Variants in ELF3 observed in about 807,000 individuals in gnomAD.
The protein encoded by ELF3 is ETS-related transcription factor Elf-3.
Under a neutral mutation model 43.9 loss-of-function variants are expected in ELF3, and 18 were observed. The ratio of observed to expected loss-of-function variants is 0.41; its 90% CI spans 0.28 to 0.61. The LOEUF is 0.61. Ranked by LOEUF, ELF3 falls within the 20% of genes least tolerant of loss-of-function variation. The probability of loss-of-function intolerance (pLI) is 0.30; values close to 1 mark genes in which losing one functional copy is unlikely to be tolerated. For missense variants in ELF3, 373 were observed against 487.7 expected, an observed-to-expected ratio of 0.76 and a Z score of 2.21; for synonymous variants, 181 against 190.2, an observed-to-expected ratio of 0.95 and a Z score of 0.40.
At chr1:202,015,010 A>C in intron 8 of ELF3, 199 bp from the exon 9 acceptor site, 2 of 558,012 alleles carry the variant, frequency 3.6e-6, no homozygotes, top group Non-Finnish European at 6.5e-6. Context: ...GCACGGTTAC[A>C]GGCCAGTGTA....
rs1320503130 is a variant in ELF3 at position 202,016,484 on chromosome 1, T to C, written c.*1161T>C. ...TATCTGTAATATGAATCCCAGCTTT[T>C]GAGTCTGACAAAATCAGAGTTAGGA... On this transcript the variant is annotated 3_prime_UTR_variant, in exon 9 of 9. Coordinates refer to ENST00000367284, the MANE Select transcript of ELF3 (RefSeq NM_004433.5). 1.3e-5 allele frequency: 2 copies of C among 150,434 alleles called. No homozygotes were observed. Among genetic ancestry groups the C allele is most frequent in the East Asian group, 3.9e-4 (2 of 5,124 alleles). The allele number at this position is 150,434 out of a possible 1,614,324, so 9.3% of individuals were successfully genotyped here. A position where few individuals can be genotyped will look rare whatever the true frequency, so the allele number is the denominator to read the frequency against.
chr1:202,015,304 T>C lies in ELF3; in HGVS notation c.1097T>C (p.Val366Ala). ...TCAAGCGGCTGGAAGGAGGAAGAGG[T>C]TCTCCAGAGTCGGAACTGAGGGTTG... is the stretch of plus-strand genomic sequence containing the variant. The part of the protein sequence containing the change: ...KNSSGWKEEE[V>A]LQSRN The change falls in exon 9 of 9, where the codon GTT becomes GCT. Residue 366 changes from valine to alanine, a missense_variant. Val to Ala is a moderately conservative substitution (Grantham distance 64). Transcript: ENST00000367284. The C allele has an allele frequency of 6.2e-7, 1 of 1,613,940 alleles. No individual in the cohort carries two copies. The highest frequency in any genetic ancestry group is 8.5e-7 in the Non-Finnish European group (1 of 1,179,962).
chr1:202,015,128 A>T, intron 8 of ELF3, 81 bp from the exon 9 acceptor site: 1 of 1,425,136 alleles, frequency 7.0e-7, no homozygotes, highest in Non-Finnish European at 9.9e-7. Flanking sequence ...ACCTGGGGGT[A>T]ACGCGGGCCA....
chr1:202,012,377 T>C lies in ELF3; in HGVS notation c.419T>C (p.Ile140Thr). The change falls in exon 4 of 9, where the codon ATT becomes ACT. Residue 140 changes from isoleucine (I) to threonine (T), a missense_variant. Physicochemically the swap from Ile to Thr is moderately conservative, Grantham distance 89. Transcript: ENST00000367284. This position sits in a 1 kb window ranked among gnomAD's most constrained non-coding sequence, Gnocchi z 4.2. ...SSSSDELSWI[I>T]ELLEKDGMAF... ...TCTTCTGATGAGCTCAGTTGGATCA[T>C]TGAGCTGCTGGAGAAGGATGGCATG... 3.1e-6 allele frequency: 5 copies of C among 1,614,148 alleles called. No individual in the cohort carries two copies. Among genetic ancestry groups the C allele is most frequent in the Non-Finnish European group, 4.2e-6 (5 of 1,180,006 alleles).
intron 1 of ELF3, 90 bp from the exon 2 acceptor site, chr1:202,011,039 C>G: frequency 1.2e-5 from 18 of 1,481,606 alleles, no homozygotes; most frequent in Non-Finnish European, 1.7e-5. Context: ...GCTACTCTTG[C>G]CCAGGGTTGG....
In ELF3 at chr1:202,013,890, C is replaced by T. The variant is rs754686422; in HGVS notation, c.867C>T (p.Asn289=). 2.8e-5 allele frequency: 45 copies of T among 1,613,970 alleles called. No homozygotes were observed. The highest frequency in any genetic ancestry group is 6.7e-5 in the African/African-American group (5 of 74,916). Residue 289 remains asparagine (N), a synonymous_variant, in exon 8 of 9, where the codon AAC becomes AAT. Transcript: ENST00000367284. The surrounding 1 kb of genome is among the most constrained non-coding windows in gnomAD (Gnocchi z 5.7). ...ACATCCTCATCCACCCGGAGCTCAA[C>T]GAGGGCCTCATGAAGTGGGAGAATC... ...IRDILIHPEL[N]EGLMKWENRH...
Position 202,011,123 on chromosome 1 carries a change from C to G in ELF3, c.-8-6C>G, listed in dbSNP as rs878874753. The stretch of plus-strand genomic sequence containing the variant: ...CCAACCTCATCCTCTCTCCCCCTAC[C>G]CACAGGTAGCCTCATGGCTGCAACC... On this transcript the variant is annotated splice_region_variant and splice_polypyrimidine_tract_variant and intron_variant, in intron 1 of 8. Transcript: ENST00000367284. The G allele has an allele frequency of 1.2e-6, 2 of 1,613,866 alleles. No individual in the cohort carries two copies. Among genetic ancestry groups the G allele is most frequent in the South Asian group, 2.2e-5 (2 of 91,070 alleles).
chr1:202,015,638 T>A lies in ELF3; in HGVS notation c.*315T>A. On this transcript the variant is annotated 3_prime_UTR_variant, in exon 9 of 9. Transcript: ENST00000367284. ...CTAAATGCAGACAACACCTTCCTCC[T>A]GCAGACACCTGGACTGAGCCAAGGA... is the stretch of plus-strand genomic sequence containing the variant. 2.9e-6 allele frequency: 1 copy of A among 347,414 alleles called. No homozygotes were observed. Among genetic ancestry groups the A allele is most frequent in the Non-Finnish European group, 5.6e-6 (1 of 180,006 alleles). The allele number at this position is 347,414 out of a possible 1,614,324, so 21.5% of individuals were successfully genotyped here.
Position 202,013,750 on chromosome 1 carries a change from CA to C in ELF3, c.806-78del. 3 of 1,486,070 alleles carry C rather than the reference CA, an allele frequency of 2.0e-6. No individual in the cohort carries two copies. Among genetic ancestry groups the C allele is most frequent in the Non-Finnish European group, 1.8e-6 (2 of 1,102,008 alleles). 92.1% of individuals were successfully genotyped at this position (1,486,070 alleles called of 1,614,324 possible). A position where few individuals can be genotyped will look rare whatever the true frequency, so the allele number is the denominator to read the frequency against. On this transcript the variant is annotated intron_variant, in intron 7 of 8. Transcript: ENST00000367284. This position sits in a 1 kb window ranked among gnomAD's most constrained non-coding sequence, Gnocchi z 5.7. ...GCATGCTGTGGCCAAGTCAGCAGTG[CA>C]CTGGGGCGGGCAGGGCTGGCTGGCC...
In ELF3 at chr1:202,011,294, G is replaced by T. The variant is rs1284898567; in HGVS notation, c.158G>T (p.Gly53Val). 6.3e-7 allele frequency: 1 copy of T among 1,578,414 alleles called. No homozygotes were observed. Among genetic ancestry groups the T allele is most frequent in the Non-Finnish European group, 8.6e-7 (1 of 1,160,250 alleles). ...AGCAACCCCCAGATGTCATTGGAGG[G>T]TACAGGTGGGTCTCAGCGGGGTGGG... ...TLSNPQMSLE[G>V]TEKASWLGEQ... Residue 53 changes from glycine (G) to valine (V), a missense_variant, in exon 2 of 9, where the codon GGT (glycine) becomes GTT (valine). This residue lies in a region of ELF3 where 311 missense variants were observed against 351.2 expected (regional missense o/e 0.89). Coordinates refer to ENST00000367284, the MANE Select transcript of ELF3 (RefSeq NM_004433.5).
rs940769864 is a variant in ELF3 at position 202,013,093 on chromosome 1, G to A, written c.688+57G>A. The A allele has an allele frequency of 1.6e-5, 25 of 1,600,184 alleles. No individual in the cohort carries two copies. The highest frequency in any genetic ancestry group is 1.2e-4 in the Admixed American group (7 of 58,852). On this transcript the variant is annotated intron_variant, in intron 6 of 8. Coordinates refer to ENST00000367284, the MANE Select transcript of ELF3 (RefSeq NM_004433.5). This position sits in a 1 kb window ranked among gnomAD's most constrained non-coding sequence, Gnocchi z 5.7. ...CCATTTAGCAATGCACAGGGGGCCC[G>A]GCTCTTCCTGCAGCCTTTTCCTGTA...
rs1130193 is a variant in ELF3 at position 202,016,603 on chromosome 1, G to A, written c.*1280G>A. ...GAAGGAGTTGGCATTTGTTGAAAGT[G>A]TAGTCTTTTTCTCTTTTTTTTTTAA... is the stretch of plus-strand genomic sequence containing the variant. On this transcript the variant is annotated 3_prime_UTR_variant, in exon 9 of 9. Transcript: ENST00000367284. 0.67 allele frequency: 100,336 copies of A among 149,850 alleles called. 33,937 individuals are homozygous for A. The highest frequency in any genetic ancestry group is 0.72 in the African/African-American group (29,167 of 40,740). The allele number at this position is 149,850 out of a possible 1,614,324, so 9.3% of individuals were successfully genotyped here.
rs547026083 is a variant in ELF3 at position 202,013,758 on chromosome 1, C to A, written c.806-71C>A. The A allele has an allele frequency of 2.0e-6, 3 of 1,507,510 alleles. No homozygotes were observed. Among genetic ancestry groups the A allele is most frequent in the Non-Finnish European group, 1.8e-6 (2 of 1,118,098 alleles). The allele number at this position is 1,507,510 out of a possible 1,614,324, so 93.4% of individuals were successfully genotyped here. A position where few individuals can be genotyped will look rare whatever the true frequency, so the allele number is the denominator to read the frequency against. On this transcript the variant is annotated intron_variant, in intron 7 of 8. Coordinates refer to ENST00000367284, the MANE Select transcript of ELF3 (RefSeq NM_004433.5). This position sits in a 1 kb window ranked among gnomAD's most constrained non-coding sequence, Gnocchi z 5.7. ...TGGCCAAGTCAGCAGTGCACTGGGG[C>A]GGGCAGGGCTGGCTGGCCTTGGGTG... is the stretch of plus-strand genomic sequence containing the variant.
intron 2 of ELF3, 33 bp from the exon 3 acceptor site, chr1:202,011,924 A>G (rs756530458): frequency 6.3e-7 from 1 of 1,598,038 alleles, no homozygotes; most frequent in Non-Finnish European, 8.6e-7. Flanking sequence ...GGGTGGCCTG[A>G]GCTGAGCCTG....
At position 202,016,806 on chromosome 1, in the gene ELF3, C is replaced by G. The variant is rs1429748901; in HGVS notation, c.*1483C>G. 1 of 152,114 alleles carries G rather than the reference C, an allele frequency of 6.6e-6. No homozygotes were observed. The highest frequency in any genetic ancestry group is 2.4e-5 in the African/African-American group (1 of 41,410). 9.4% of individuals were successfully genotyped at this position (152,114 alleles called of 1,614,324 possible). On this transcript the variant is annotated 3_prime_UTR_variant, in exon 9 of 9. Transcript: ENST00000367284. ...AGCCCACTCTGGCTCATTTAATCCT[C>G]TCCTAAGAAGAGAGGAGACACAGCG...
At chr1:202,011,628 T>C in intron 2 of ELF3, 1 of 454,468 alleles carries the variant, frequency 2.2e-6, no homozygotes, top group Non-Finnish European at 3.9e-6. Context: ...TCCCAGCACT[T>C]TGGGAGGCTG....
Position 202,012,704 on chromosome 1 carries a change from C to T in ELF3, c.543C>T (p.Pro181=), listed in dbSNP as rs755611463. ...DDGQQASPYH[P]GSCGAGAPSP... is the part of the protein sequence containing the mutation. ...GTCAGCAAGCCAGCCCCTACCACCC[C>T]GGCAGCTGTGGCGCAGGAGCCCCCT... Residue 181 remains proline, a synonymous_variant, in exon 5 of 9, where the codon CCC becomes CCT. Transcript: ENST00000367284. This position sits in a 1 kb window ranked among gnomAD's most constrained non-coding sequence, Gnocchi z 4.2. 10 of 1,608,054 alleles carry T rather than the reference C, an allele frequency of 6.2e-6. No individual in the cohort carries two copies. Among genetic ancestry groups the T allele is most frequent in the South Asian group, 3.3e-5 (3 of 90,530 alleles).
Position 202,014,850 on chromosome 1 carries a change from C to A in ELF3, c.1002-359C>A, listed in dbSNP as rs540397439. On this transcript the variant is annotated intron_variant, in intron 8 of 8. Coordinates refer to ENST00000367284, the MANE Select transcript of ELF3 (RefSeq NM_004433.5). Reference sequence around the variant, plus strand: ...CTCGAACTCCTGACCTCAAGTGATCCGCCCGCCTCAGCCTCCCAAAGTGCT... The same window carrying A: ...CTCGAACTCCTGACCTCAAGTGATCAGCCCGCCTCAGCCTCCCAAAGTGCT... 2.6e-4 allele frequency: 55 copies of A among 212,940 alleles called. No individual in the cohort carries two copies. In the East Asian group the frequency reaches 4.6e-3, roughly 18 times the overall value. The allele number at this position is 212,940 out of a possible 1,614,324, so 13.2% of individuals were successfully genotyped here.
Position 202,011,559 on chromosome 1 carries a change from C to G in ELF3, c.163+260C>G, listed in dbSNP as rs144349627. On this transcript the variant is annotated intron_variant, in intron 2 of 8. Coordinates refer to ENST00000367284, the MANE Select transcript of ELF3 (RefSeq NM_004433.5). ...TGGCTCCAAGGGCTGAGGTGTGAAT[C>G]CCCAGTGTGCTCCAGGAATGGGGCT... 9.5e-4 allele frequency: 474 copies of G among 499,620 alleles called. 2 individuals are homozygous for G. Among genetic ancestry groups the G allele is most frequent in the African/African-American group, 8.5e-3 (439 of 51,346 alleles). 30.9% of individuals were successfully genotyped at this position (499,620 alleles called of 1,614,324 possible). A position where few individuals can be genotyped will look rare whatever the true frequency, so the allele number is the denominator to read the frequency against.
Sources: allele counts gnomAD v4.1 joint callset, GRCh38; gene constraint gnomAD v4.1.1; regional missense constraint gnomAD v4.1.1; non-coding constraint Gnocchi (gnomAD v3.1); transcripts MANE v1.5; gene names NCBI Gene and HGNC (gene_info 2026-07-23, HGNC 2026-07-21).